Variants in SKIDA1 observed in about 807,000 individuals in gnomAD.
SKIDA1 encodes SKI/DACH domain containing 1.
A neutral mutation model predicts 51.4 loss-of-function variants in SKIDA1; 18 were observed. The observed-to-expected ratio is 0.35, with a 90% CI of 0.24 to 0.52. SKIDA1 has a LOEUF of 0.52. SKIDA1 is among the 20% of genes least tolerant of loss of function. The pLI, the probability that SKIDA1 is intolerant of heterozygous loss-of-function variation, is 0.95. For synonymous variants in SKIDA1, 579 were observed against 500.5 expected, an observed-to-expected ratio of 1.16 and a Z score of -2.09; for missense variants, 1,104 against 1,180.6, an observed-to-expected ratio of 0.94 and a Z score of 0.95.
Position 21,517,574 on chromosome 10 carries a change from G to C in SKIDA1, c.249C>G (p.Ile83Met). Residue 83 changes from isoleucine (I) to methionine (M), a missense_variant, in exon 4 of 4, where the codon ATC (isoleucine) becomes ATG (methionine). By Grantham distance (10) the Ile-to-Met change is conservative. Coordinates refer to ENST00000449193, the MANE Select transcript of SKIDA1 (RefSeq NM_207371.4). This position sits in a 1 kb window ranked among gnomAD's most constrained non-coding sequence, Gnocchi z 6.9. ...AGAGCGCTTCCACGTCTTCCCGGGAGATGAGCGTGCATTTGGCGGCGTGGA... is the reference window on the plus strand; with the variant it reads ...AGAGCGCTTCCACGTCTTCCCGGGACATGAGCGTGCATTTGGCGGCGTGGA... ...IAFHAAKCTL[I>M]SREDVEALYT... is the part of the protein sequence containing the mutation. The C allele has an allele frequency of 6.2e-7, 1 of 1,611,078 alleles. No individual in the cohort carries two copies. Among genetic ancestry groups the C allele is most frequent in the Non-Finnish European group, 8.5e-7 (1 of 1,178,640 alleles).
At position 21,515,064 on chromosome 10, in the gene SKIDA1, T is replaced by C. The variant is rs2032157299; in HGVS notation, c.*32A>G. 3 of 1,535,928 alleles carry C rather than the reference T, an allele frequency of 2.0e-6. No homozygotes were observed. The highest frequency in any genetic ancestry group is 1.4e-5 in the African/African-American group (1 of 73,160). On this transcript the variant is annotated 3_prime_UTR_variant, in exon 4 of 4. Transcript: ENST00000449193. The stretch of plus-strand genomic sequence containing the variant: ...GCAGTTTACAACAAAAGGAAGGTAA[T>C]ATGGTTCAAGAAAATATCTTCCAAA...
In SKIDA1 at chr10:21,525,586, T is replaced by C. The variant is rs932571732; in HGVS notation, c.-2157A>G. The stretch of plus-strand genomic sequence containing the variant: ...TGACACATGTTTATGTTTATAGTCC[T>C]GGTTTGTAGTAGTGTCAAGAACCGC... On this transcript the variant is annotated 5_prime_UTR_variant, in exon 1 of 4. Coordinates refer to ENST00000449193, the MANE Select transcript of SKIDA1 (RefSeq NM_207371.4). The C allele has an allele frequency of 1.3e-5, 2 of 152,306 alleles. No homozygotes were observed. The highest frequency in any genetic ancestry group is 2.1e-4 in the South Asian group (1 of 4,824). The allele number at this position is 152,306 out of a possible 1,614,324, so 9.4% of individuals were successfully genotyped here. A position where few individuals can be genotyped will look rare whatever the true frequency, so the allele number is the denominator to read the frequency against.
chr10:21,517,089 T>C lies in SKIDA1; in HGVS notation c.734A>G (p.Tyr245Cys), dbSNP rs931877284. The C allele has an allele frequency of 1.3e-5, 13 of 971,454 alleles. No homozygotes were observed. In the African/African-American group the frequency reaches 1.5e-4, roughly 11 times the overall value. 60.2% of individuals were successfully genotyped at this position (971,454 alleles called of 1,614,324 possible). ...GGGCCCGGCCGCCGATACCTGGTAA[T>C]AGGCGGCGGCGGCGGCGGCGGCGGC... ...AAAAAAAAAA[Y>C]YQVSAAGPQP... The change falls in exon 4 of 4, where the codon TAT (tyrosine) becomes TGT (cysteine). Residue 245 changes from tyrosine to cysteine, a missense_variant. Transcript: ENST00000449193. This position sits in a 1 kb window ranked among gnomAD's most constrained non-coding sequence, Gnocchi z 6.9.
At position 21,515,383 on chromosome 10, in the gene SKIDA1, C is replaced by G. The variant is rs1220737750; in HGVS notation, c.2440G>C (p.Glu814Gln). The stretch of plus-strand genomic sequence containing the variant: ...TCATCCAGTGTTCCTTCATTTGTCT[C>G]AGTTTTACCTGTAGGACGAGGGCTT... Reference protein sequence around the residue: ...ARSPRPTGKTETNEGTLDDFT... With the variant: ...ARSPRPTGKTQTNEGTLDDFT... The change falls in exon 4 of 4, where the codon GAG becomes CAG. Residue 814 changes from glutamate (E) to glutamine (Q), a missense_variant. Glu to Gln is a conservative substitution (Grantham distance 29). Transcript: ENST00000449193. The G allele has an allele frequency of 6.2e-7, 1 of 1,613,858 alleles. No individual in the cohort carries two copies. The highest frequency in any genetic ancestry group is 8.5e-7 in the Non-Finnish European group (1 of 1,179,900).
In SKIDA1 at chr10:21,516,134, A is replaced by G. The variant is rs746949420; in HGVS notation, c.1689T>C (p.Ala563=). The G allele has an allele frequency of 1.9e-6, 3 of 1,614,038 alleles. No homozygotes were observed. The South Asian group carries it at 3.3e-5, about 18-fold the overall frequency. Residue 563 remains alanine, a synonymous_variant, in exon 4 of 4, where the codon GCT becomes GCC. Transcript: ENST00000449193. The surrounding 1 kb of genome is among the most constrained non-coding windows in gnomAD (Gnocchi z 5.7). ...TAATTGTCAGGTCAGTTCTCTTTAC[A>G]GCATTGGAAATTTCAGAGTGTGGGA... ...ITFPHSEISN[A]VKRTDLTINC... is the part of the protein sequence containing the mutation.
Position 21,513,503 on chromosome 10 carries a change from AT to A in SKIDA1, c.*1592del, listed in dbSNP as rs2032095466. On this transcript the variant is annotated 3_prime_UTR_variant, in exon 4 of 4. Transcript: ENST00000449193. ...TTTTAAACAGTGTTTTTAATTGAAA[AT>A]AAAGCTAAAGCATGCTTTTCAACAG... 1 of 152,646 alleles carries A rather than the reference AT, an allele frequency of 6.6e-6. No individual in the cohort carries two copies. The highest frequency in any genetic ancestry group is 6.5e-5 in the Admixed American group (1 of 15,288). 9.5% of individuals were successfully genotyped at this position (152,646 alleles called of 1,614,324 possible).
At chr10:21,520,234 T>G (rs1251709746) in intron 3 of SKIDA1, among the ~76,000 whole-genome samples, 2 of 152,168 alleles carry the variant, frequency 1.3e-5, no homozygotes, top group Non-Finnish European at 2.9e-5. Context: ...GCTAATACCA[T>G]CCAGCGAGTT....
chr10:21,521,013 G>A (rs1036613708), intron 3 of SKIDA1, among the ~76,000 whole-genome samples: 17 of 151,418 alleles, frequency 1.1e-4, no homozygotes, highest in African/African-American at 2.9e-4. Flanking sequence ...ATCCTTGTGT[G>A]TATGTGTGTG....
In SKIDA1 at chr10:21,516,902, C is replaced by T. The variant is rs1356574201; in HGVS notation, c.921G>A (p.Ala307=). 1.3e-5 allele frequency: 15 copies of T among 1,116,398 alleles called. No individual in the cohort carries two copies. The South Asian group carries it at 2.0e-4, about 15-fold the overall frequency. The allele number at this position is 1,116,398 out of a possible 1,614,324, so 69.2% of individuals were successfully genotyped here. ...RSYKAKAAAA[A]AAAAAAAAAA... is the part of the protein sequence containing the mutation. ...CCGCCGCCGCCGCTGCCGCCGCCGC[C>T]GCCGCCGCCGCCGCCTTGGCTTTGT... is the stretch of plus-strand genomic sequence containing the variant. Residue 307 remains alanine, a synonymous_variant, in exon 4 of 4, where the codon GCG becomes GCA. Coordinates refer to ENST00000449193, the MANE Select transcript of SKIDA1 (RefSeq NM_207371.4). This position sits in a 1 kb window ranked among gnomAD's most constrained non-coding sequence, Gnocchi z 5.7.
intron 3 of SKIDA1, among the ~76,000 whole-genome samples, chr10:21,521,058 G>GCACACGCACACA (rs2032379747): frequency 6.8e-6 from 1 of 146,660 alleles, no homozygotes; most frequent in African/African-American, 2.5e-5. Context: ...ATGAGTGCAT[G>GCACACGCACACA]CACACACACA....
rs2032290814 is a variant in SKIDA1, at chr10:21,517,909, A to C, written c.-87T>G. ...TGTATGTATGTTAATCCTCAGCCAGATGCTGCGTGTGTCTCAAGGCATCCT... is the reference window on the plus strand; with the variant it reads ...TGTATGTATGTTAATCCTCAGCCAGCTGCTGCGTGTGTCTCAAGGCATCCT... On this transcript the variant is annotated 5_prime_UTR_variant, in exon 4 of 4. Coordinates refer to ENST00000449193, the MANE Select transcript of SKIDA1 (RefSeq NM_207371.4). The surrounding 1 kb of genome is among the most constrained non-coding windows in gnomAD (Gnocchi z 6.9). 3.3e-6 allele frequency: 4 copies of C among 1,219,334 alleles called. No individual in the cohort carries two copies. The highest frequency in any genetic ancestry group is 3.3e-6 in the Non-Finnish European group (3 of 900,542). 75.5% of individuals were successfully genotyped at this position (1,219,334 alleles called of 1,614,324 possible).
rs774910850 is a variant in SKIDA1, at chr10:21,515,367, G to A, written c.2456C>T (p.Thr819Ile). ...PTGKTETNEGTLDDFTVINRR... is the reference protein window; with the variant it reads ...PTGKTETNEGILDDFTVINRR... ...GTTTATAACTGTAAAATCATCCAGT[G>A]TTCCTTCATTTGTCTCAGTTTTACC... The change falls in exon 4 of 4, where the codon ACA becomes ATA. Residue 819 changes from threonine (T) to isoleucine (I), a missense_variant. By Grantham distance (89) the Thr-to-Ile change is moderately conservative (BLOSUM62 -1). This residue lies in a region of SKIDA1 where 112 missense variants were observed against 168.3 expected (regional missense o/e 0.67). Transcript: ENST00000449193. The A allele has an allele frequency of 6.2e-7, 1 of 1,613,890 alleles. No individual in the cohort carries two copies. The highest frequency in any genetic ancestry group is 1.3e-5 in the African/African-American group (1 of 74,914).
intron 1 of SKIDA1, 86 bp from the exon 2 acceptor site, chr10:21,523,957 A>G (rs1399601203): frequency 6.6e-6 from 1 of 152,166 alleles, no homozygotes; most frequent in Non-Finnish European, 1.5e-5. Flanking sequence ...CATATTCATG[A>G]CATCAGCAAA....
Position 21,516,690 on chromosome 10 carries a change from C to G in SKIDA1, c.1133G>C (p.Ser378Thr). The change falls in exon 4 of 4, where the codon AGC becomes ACC. Residue 378 changes from serine (S) to threonine (T), a missense_variant. Physicochemically the swap from Ser to Thr is moderately conservative, Grantham distance 58. Coordinates refer to ENST00000449193, the MANE Select transcript of SKIDA1 (RefSeq NM_207371.4). The surrounding 1 kb of genome is among the most constrained non-coding windows in gnomAD (Gnocchi z 5.7). Reference sequence around the variant, plus strand: ...GCTGGACTCGGAGTCGCTGCTGCAGCTCTCGGGAAAGCTGCCCAGATGGGG... The same window carrying G: ...GCTGGACTCGGAGTCGCTGCTGCAGGTCTCGGGAAAGCTGCCCAGATGGGG... ...PQPHLGSFPE[S>T]CSSDSESSSY... 6.4e-7 allele frequency: 1 copy of G among 1,551,516 alleles called. No homozygotes were observed.
chr10:21,525,312 A>T (rs1003977677), intron 1 of SKIDA1, among the ~76,000 whole-genome samples: 1 of 152,314 alleles, frequency 6.6e-6, no homozygotes, highest in East Asian at 1.9e-4. Context: ...CTGGGAAAGG[A>T]GAGGGATTCG....
At chr10:21,525,113 C>A (rs978930089) in intron 1 of SKIDA1, among the ~76,000 whole-genome samples, 11 of 152,172 alleles carry the variant, frequency 7.2e-5, no homozygotes, top group Non-Finnish European at 1.6e-4. Flanking sequence ...CGAACTCAGT[C>A]ATTTAAATAG....
intron 2 of SKIDA1, among the ~76,000 whole-genome samples, chr10:21,522,812 C>T (rs2032445944): frequency 6.6e-6 from 1 of 152,290 alleles, no homozygotes; most frequent in African/African-American, 2.4e-5. Context: ...GACCCATAAT[C>T]AAAATGCAGT....
chr10:21,516,977 C>T lies in SKIDA1; in HGVS notation c.846G>A (p.Leu282=). The change falls in exon 4 of 4, where the codon CTG becomes CTA. Residue 282 remains leucine (L), a synonymous_variant. Coordinates refer to ENST00000449193, the MANE Select transcript of SKIDA1 (RefSeq NM_207371.4). The surrounding 1 kb of genome is among the most constrained non-coding windows in gnomAD (Gnocchi z 5.7). ...GCCGCGCGCCGGCGTGAGGCGCGAG[C>T]AGGCAGTCCTTGGCGCCGCCGCGCT... is the stretch of plus-strand genomic sequence containing the variant. ...KRKRGGAKDC[L]LAPHAGARRL... 1.7e-6 allele frequency: 2 copies of T among 1,150,676 alleles called. No homozygotes were observed. The highest frequency in any genetic ancestry group is 1.1e-6 in the Non-Finnish European group (1 of 932,288). The allele number at this position is 1,150,676 out of a possible 1,614,324, so 71.3% of individuals were successfully genotyped here. A position where few individuals can be genotyped will look rare whatever the true frequency, so the allele number is the denominator to read the frequency against.
chr10:21,525,152 C>A (rs917638797), intron 1 of SKIDA1, among the ~76,000 whole-genome samples: 1 of 152,062 alleles, frequency 6.6e-6, no homozygotes, highest in Non-Finnish European at 1.5e-5. Context: ...GGGGTTTCTG[C>A]GCACAAAATG....
Sources: gnomAD v4.1 joint callset for allele counts (sites outside exome capture counted in the v4.1 genomes callset) on GRCh38, gnomAD v4.1.1 for gene constraint, gnomAD v4.1.1 regional missense constraint, Gnocchi (gnomAD v3.1) non-coding constraint, MANE v1.5 for transcripts, NCBI Gene and HGNC (gene_info 2026-07-23, HGNC 2026-07-21) for gene names.